UTRN: variants seen among roughly 807,000 people sequenced by gnomAD.
UTRN encodes the protein utrophin.
Under a neutral mutation model 463.9 loss-of-function variants are expected in UTRN, and 283 were observed. The observed-to-expected ratio is 0.61, with a 90% CI of 0.55 to 0.67. The LOEUF (loss-of-function observed/expected upper bound fraction) is 0.67, where lower values mean the gene tolerates loss of function less well. Among genes scored for constraint, UTRN ranks in the 30% least tolerant of loss-of-function variants. The probability of loss-of-function intolerance (pLI) is 0.00; values close to 1 mark genes in which losing one functional copy is unlikely to be tolerated. For synonymous variants in UTRN, 1,442 were observed against 1,431.5 expected (o/e 1.01, Z -0.17); for missense variants, 3,922 against 4,084.3 (o/e 0.96, Z 1.08).
chr6:144,742,401 T>A (rs1439890814), intron 54 of UTRN, among the ~76,000 whole-genome samples: 6 of 152,206 alleles, frequency 3.9e-5, no homozygotes, highest in African/African-American at 1.2e-4. Context: ...AAATGGATCT[T>A]AATCACTTTA....
intron 2 of UTRN, among the ~76,000 whole-genome samples, chr6:144,343,606 A>G (rs1290040121): frequency 6.6e-6 from 1 of 152,124 alleles, no homozygotes; most frequent in Non-Finnish European, 1.5e-5. Context: ...AGGCTGGAAA[A>G]ATTTGTCTAA....
At chr6:144,669,633 T>C (rs1780787433) in intron 51 of UTRN, among the ~76,000 whole-genome samples, 1 of 152,148 alleles carries the variant, frequency 6.6e-6, no homozygotes, top group African/African-American at 2.4e-5. Flanking sequence ...GATGTTTGGT[T>C]ACATCCATAA....
At chr6:144,336,688 G>A (rs1159411663) in intron 2 of UTRN, among the ~76,000 whole-genome samples, 1 of 151,940 alleles carries the variant, frequency 6.6e-6, no homozygotes, top group Non-Finnish European at 1.5e-5. Context: ...ACAGATTATG[G>A]AGACAGTCCA....
chr6:144,822,340 T>C (rs368364101), intron 66 of UTRN, among the ~76,000 whole-genome samples: 1 of 152,054 alleles, frequency 6.6e-6, no homozygotes, highest in African/African-American at 2.4e-5. Context: ...CCTCTATAGG[T>C]AATGTCGTGT....
chr6:144,487,452 A>T, intron 28 of UTRN, 96 bp from the exon 29 acceptor site: 1 of 1,263,138 alleles, frequency 7.9e-7, no homozygotes, highest in Non-Finnish European at 1.0e-6. Flanking sequence ...TTTAGAAAAT[A>T]TAATTACTTG....
intron 51 of UTRN, among the ~76,000 whole-genome samples, chr6:144,660,738 A>G (rs1484230225): frequency 6.6e-6 from 1 of 152,132 alleles, no homozygotes; most frequent in Non-Finnish European, 1.5e-5. Flanking sequence ...CTGGGGACTC[A>G]GCTGTGGGTG....
chr6:144,486,941 A>G (rs75481406), intron 28 of UTRN, among the ~76,000 whole-genome samples: 4,343 of 152,268 alleles, frequency 0.029, 204 homozygotes, highest in African/African-American at 0.098. Flanking sequence ...TAAACTGGGA[A>G]TGCTATTTAG....
intron 2 of UTRN, among the ~76,000 whole-genome samples, chr6:144,298,210 T>C (rs947663963): frequency 7.2e-5 from 11 of 152,204 alleles, no homozygotes; most frequent in African/African-American, 2.7e-4. Flanking sequence ...ATAAATAGAC[T>C]TATTTCAATA....
chr6:144,827,537 A>G, intron 67 of UTRN, 74 bp from the exon 68 acceptor site: 1 of 1,601,816 alleles, frequency 6.2e-7, no homozygotes, highest in Non-Finnish European at 8.5e-7. Flanking sequence ...TTACTTAAGT[A>G]ACCTAACATT....
chr6:144,617,059 G>A (rs1296036852), intron 51 of UTRN, among the ~76,000 whole-genome samples: 1 of 152,102 alleles, frequency 6.6e-6, no homozygotes, highest in Non-Finnish European at 1.5e-5. Flanking sequence ...CCATAATACT[G>A]TTATACTGTA....
At chr6:144,390,226 C>T (rs1454849674) in intron 2 of UTRN, among the ~76,000 whole-genome samples, 1 of 152,148 alleles carries the variant, frequency 6.6e-6, no homozygotes, top group Non-Finnish European at 1.5e-5. Flanking sequence ...TGCCCATCCA[C>T]CTCACCACGT....
At chr6:144,731,017 A>G (rs1490241985) in intron 54 of UTRN, among the ~76,000 whole-genome samples, 6 of 151,010 alleles carry the variant, frequency 4.0e-5, no homozygotes, top group Non-Finnish European at 8.9e-5. Context: ...TAGCAAATTT[A>G]CTAGCAAAAA....
chr6:144,810,907 CA>C (rs1368364592), intron 65 of UTRN, among the ~76,000 whole-genome samples: 7 of 152,082 alleles, frequency 4.6e-5, no homozygotes, highest in African/African-American at 1.7e-4. Flanking sequence ...CCACTCAAAA[CA>C]GATTTATATT....
At chr6:144,587,628 G>A (rs1005105372) in intron 51 of UTRN, among the ~76,000 whole-genome samples, 5 of 152,038 alleles carry the variant, frequency 3.3e-5, no homozygotes, top group South Asian at 2.1e-4. Flanking sequence ...ATTTTCGACC[G>A]GTTGAATTTT....
chr6:144,703,996 A>T (rs531709189), intron 53 of UTRN, among the ~76,000 whole-genome samples: 1 of 152,240 alleles, frequency 6.6e-6, no homozygotes, highest in South Asian at 2.1e-4. Flanking sequence ...AGTGGGAAGA[A>T]TCAGTGATGC....
chr6:144,489,866 C>A (rs1026793876), intron 30 of UTRN, among the ~76,000 whole-genome samples: 1 of 151,446 alleles, frequency 6.6e-6, no homozygotes, highest in Non-Finnish European at 1.5e-5. Context: ...GTGATCCACC[C>A]GCCTCGGCCT....
At chr6:144,432,017 G>A (rs774565279) in intron 9 of UTRN, among the ~76,000 whole-genome samples, 1 of 151,782 alleles carries the variant, frequency 6.6e-6, no homozygotes, top group Non-Finnish European at 1.5e-5. Context: ...TAAGTTTTAG[G>A]GTACATGTGC....
At chr6:144,848,231 A>G (rs1474855163) in intron 74 of UTRN, among the ~76,000 whole-genome samples, 1 of 152,132 alleles carries the variant, frequency 6.6e-6, no homozygotes, top group Non-Finnish European at 1.5e-5. Context: ...TGGCCTGGGA[A>G]ATAGAGTGTG....
At chr6:144,356,805 A>G (rs1778588790) in intron 2 of UTRN, among the ~76,000 whole-genome samples, 1 of 152,090 alleles carries the variant, frequency 6.6e-6, no homozygotes. Flanking sequence ...GTCTTGGGCG[A>G]CAGAGCAAGA....
Sources: allele counts gnomAD v4.1 joint callset (sites outside exome capture counted in the v4.1 genomes callset), GRCh38; gene constraint gnomAD v4.1.1; transcripts MANE v1.5; gene names NCBI Gene and HGNC (gene_info 2026-07-23, HGNC 2026-07-21).